Variants in ASAP2 observed in about 807,000 individuals in gnomAD.
ASAP2 encodes ArfGAP with SH3 domain, ankyrin repeat and PH domain 2.
A neutral mutation model predicts 131.4 loss-of-function variants in ASAP2; 45 were observed. The observed-to-expected ratio is 0.34, with a 90% CI of 0.27 to 0.44. The LOEUF is 0.44. Among genes scored for constraint, ASAP2 ranks in the 20% least tolerant of loss-of-function variants. ASAP2 has a pLI of 1.00. For missense variants in ASAP2, 1,011 were observed against 1,297.0 expected (o/e 0.78, Z 3.39); for synonymous variants, 510 against 503.0 (o/e 1.01, Z -0.19).
intron 12 of ASAP2, among the ~76,000 whole-genome samples, chr2:9,355,442 C>T (rs1414374162): frequency 1.3e-5 from 2 of 152,216 alleles, no homozygotes; most frequent in Non-Finnish European, 2.9e-5. Flanking sequence ...GATGCTGCCA[C>T]ATCCCACACA....
intron 2 of ASAP2, among the ~76,000 whole-genome samples, chr2:9,282,460 A>G (rs1667187368): frequency 6.6e-6 from 1 of 152,176 alleles, no homozygotes; most frequent in Non-Finnish European, 1.5e-5. Context: ...GTTCTTTTGC[A>G]TATATTTAGT....
At position 9,368,734 on chromosome 2, in the gene ASAP2, A is replaced by G. The variant is rs144079124; in HGVS notation, c.1556+215A>G. 8.1e-3 allele frequency among the ~76,000 whole-genome samples: 1,231 copies of G among 152,198 alleles called. 9 individuals are homozygous for G. Among genetic ancestry groups the G allele is most frequent in the Non-Finnish European group, 0.014 (919 of 68,006 alleles). ...AGCCAAAAGCAGGCAGGTTTCGCAG[A>G]TGCTGTGCGTGTGTGCAGCGGGTAT... On this transcript the variant is annotated intron_variant, in intron 16 of 27. Coordinates refer to ENST00000281419, the MANE Select transcript of ASAP2 (RefSeq NM_003887.3).
At chr2:9,263,819 C>A (rs911644063) in intron 1 of ASAP2, among the ~76,000 whole-genome samples, 1 of 152,196 alleles carries the variant, frequency 6.6e-6, no homozygotes, top group African/African-American at 2.4e-5. Context: ...GTCTGGAGGT[C>A]ATCAGCTGAG....
At chr2:9,243,426 T>C (rs764385953) in intron 1 of ASAP2, among the ~76,000 whole-genome samples, 1 of 152,230 alleles carries the variant, frequency 6.6e-6, no homozygotes, top group Non-Finnish European at 1.5e-5. Flanking sequence ...TTTTTTATAA[T>C]GTGCATTTTT....
chr2:9,236,967 C>T (rs1436228449), intron 1 of ASAP2, among the ~76,000 whole-genome samples: 4 of 151,970 alleles, frequency 2.6e-5, no homozygotes, highest in African/African-American at 7.3e-5. Context: ...GGCTGGGGTA[C>T]GGAGACGGGC....
chr2:9,366,564 G>C (rs1673489275), intron 15 of ASAP2, among the ~76,000 whole-genome samples: 1 of 152,168 alleles, frequency 6.6e-6, no homozygotes, highest in African/African-American at 2.4e-5. Flanking sequence ...TTAGCTTCCT[G>C]GTGCATAGGT....
chr2:9,384,478 C>A (rs1202812403), intron 20 of ASAP2, among the ~76,000 whole-genome samples: 3 of 152,168 alleles, frequency 2.0e-5, no homozygotes, highest in Non-Finnish European at 2.9e-5. Flanking sequence ...GCTCAGTCCC[C>A]AAGACTGTCT....
At chr2:9,349,882 T>G (rs1400742039) in intron 11 of ASAP2, among the ~76,000 whole-genome samples, 1 of 152,156 alleles carries the variant, frequency 6.6e-6, no homozygotes, top group Non-Finnish European at 1.5e-5. Flanking sequence ...AATCCCAAAT[T>G]CAGGTTTTTT....
intron 1 of ASAP2, among the ~76,000 whole-genome samples, chr2:9,212,167 T>A (rs948982796): frequency 6.6e-6 from 1 of 152,136 alleles, no homozygotes; most frequent in African/African-American, 2.4e-5. Context: ...TGTGCTGGGC[T>A]GTGTGTGAGG....
chr2:9,209,483 G>GTTACTCA (rs1007481901), intron 1 of ASAP2, among the ~76,000 whole-genome samples: 1 of 152,176 alleles, frequency 6.6e-6, no homozygotes, highest in African/African-American at 2.4e-5. Flanking sequence ...ATGACATAAA[G>GTTACTCA]TTACTCATTT....
chr2:9,226,675 C>T (rs1444339961), intron 1 of ASAP2, among the ~76,000 whole-genome samples: 4 of 152,202 alleles, frequency 2.6e-5, no homozygotes, highest in Non-Finnish European at 4.4e-5. Flanking sequence ...TTCTTCTTCC[C>T]TCTTAAGCCC....
rs1171661319 is a variant in ASAP2, at chr2:9,367,027, A to AT, written c.1462-1380dup. On this transcript the variant is annotated intron_variant, in intron 15 of 27. Coordinates refer to ENST00000281419, the MANE Select transcript of ASAP2 (RefSeq NM_003887.3). The stretch of plus-strand genomic sequence containing the variant: ...GTTTGTTAACTCCTTTGCCTGCATA[A>AT]TTTTTTTTTTTTTTTTTTGTAGAGA... 6.7e-3 allele frequency among the ~76,000 whole-genome samples: 893 copies of AT among 132,930 alleles called. 13 individuals carry two copies. The highest frequency in any genetic ancestry group is 0.023 in the South Asian group (95 of 4,174). 87.2% of individuals were successfully genotyped at this position (132,930 alleles called of 152,430 possible). A position where few individuals can be genotyped will look rare whatever the true frequency, so the allele number is the denominator to read the frequency against.
At chr2:9,403,016 G>A (rs551231110) in intron 27 of ASAP2, among the ~76,000 whole-genome samples, 26 of 152,294 alleles carry the variant, frequency 1.7e-4, no homozygotes, top group Admixed American at 4.6e-4. Context: ...CCCCACGAGC[G>A]AACATCTGGG....
chr2:9,284,079 T>G (rs1667308900), intron 2 of ASAP2, among the ~76,000 whole-genome samples: 1 of 152,252 alleles, frequency 6.6e-6, no homozygotes, highest in African/African-American at 2.4e-5. Flanking sequence ...ATAATCCAGA[T>G]AATCTCCCCA....
At position 9,368,517 on chromosome 2, in the gene ASAP2, C is replaced by G. The variant is rs1673657409; in HGVS notation, c.1554C>G (p.Asp518Glu). 1 of 1,613,572 alleles carries G rather than the reference C, an allele frequency of 6.2e-7. No homozygotes were observed. The highest frequency in any genetic ancestry group is 1.3e-5 in the African/African-American group (1 of 75,018). The change falls in exon 16 of 28, where the codon GAC (aspartate) becomes GAG (glutamate). Residue 518 changes from aspartate to glutamate, a missense_variant and splice_region_variant. By Grantham distance (45) the Asp-to-Glu change is conservative. Around this residue, in one of 2 missense-constraint regions of ASAP2, gnomAD observed 652 missense variants for 698.9 expected, o/e 0.93. Coordinates refer to ENST00000281419, the MANE Select transcript of ASAP2 (RefSeq NM_003887.3). Reference protein sequence around the residue: ...EDSVKPNPGSDMNARKDYITA... With the variant: ...EDSVKPNPGSEMNARKDYITA... ...CAGTCAAACCCAACCCAGGCAGCGA[C>G]ATGTAAGTATGGGACTGGCTATTCT...
chr2:9,253,960 C>A (rs1418500760), intron 1 of ASAP2, among the ~76,000 whole-genome samples: 1 of 151,706 alleles, frequency 6.6e-6, no homozygotes, highest in East Asian at 1.9e-4. Flanking sequence ...GTAATCCCAG[C>A]ACTTTGGGAG....
intron 9 of ASAP2, 58 bp from the exon 10 acceptor site, chr2:9,344,474 C>A: frequency 6.9e-7 from 1 of 1,451,642 alleles, no homozygotes; most frequent in East Asian, 2.3e-5. Flanking sequence ...TTGTGTACTG[C>A]TTTTCTAAAA....
At chr2:9,391,334 G>A (rs950886285) in intron 23 of ASAP2, 138 bp downstream of exon 23, 16 of 1,262,266 alleles carry the variant, frequency 1.3e-5, no homozygotes, top group Non-Finnish European at 1.7e-5. Context: ...TGTGGCTCTT[G>A]TGCAGGGCTC....
At chr2:9,284,451 C>T (rs964591608) in intron 2 of ASAP2, among the ~76,000 whole-genome samples, 2 of 152,102 alleles carry the variant, frequency 1.3e-5, no homozygotes, top group Admixed American at 6.6e-5. Context: ...ATAAAGAAGA[C>T]GTAGGTATTA....
Sources: gnomAD v4.1 joint callset for allele counts (sites outside exome capture counted in the v4.1 genomes callset) on GRCh38, gnomAD v4.1.1 for gene constraint, gnomAD v4.1.1 regional missense constraint, MANE v1.5 for transcripts, NCBI Gene and HGNC (gene_info 2026-07-23, HGNC 2026-07-21) for gene names.